The following TMPRSS13 variants were observed in gnomAD, a reference collection of about 807,000 sequenced individuals.
TMPRSS13 encodes transmembrane protease serine 13.
TMPRSS13 carries 50 observed loss-of-function variants against 68.4 expected under a neutral mutation model. That is an observed-to-expected ratio of 0.73 (90% CI 0.58 to 0.93). TMPRSS13 has a LOEUF of 0.93. Ranked by LOEUF, TMPRSS13 falls within the 40% of genes least tolerant of loss-of-function variation. TMPRSS13 has a pLI of 0.00. For synonymous variants in TMPRSS13, 267 were observed against 285.8 expected, an observed-to-expected ratio of 0.93 and a Z score of 0.66; for missense variants, 615 against 729.2, an observed-to-expected ratio of 0.84 and a Z score of 1.80.
intron 1 of TMPRSS13, among the ~76,000 whole-genome samples, chr11:117,921,214 C>A (rs11216622): frequency 0.24 from 36,064 of 152,092 alleles, 4,397 homozygotes; most frequent in East Asian, 0.29. Context: ...AGGGCCTTGA[C>A]CTACAGTGTC....
intron 9 of TMPRSS13, chr11:117,908,212 T>C (rs2057482874): frequency 1.9e-6 from 1 of 535,158 alleles, no homozygotes; most frequent in Non-Finnish European, 2.9e-6. Flanking sequence ...ATATGTCAAA[T>C]GAAGTTAATA....
chr11:117,917,206 G>A lies in TMPRSS13; in HGVS notation c.520C>T (p.Leu174Phe), dbSNP rs778730586. Residue 174 changes from leucine (L) to phenylalanine (F), a missense_variant, in exon 3 of 13, where the codon CTC becomes TTC. Leu to Phe is a conservative substitution (Grantham distance 22, BLOSUM62 0). Coordinates refer to ENST00000524993, the MANE Select transcript of TMPRSS13 (RefSeq NM_001077263.3). ...AGCGAAACCACCAGGGCAATGAGGA[G>A]GAGCACGCACCCGATGAGCGGTAGC... ...KQLPLIGCVL[L>F]LIALVVSLII... 1.2e-6 allele frequency: 2 copies of A among 1,613,020 alleles called. No homozygotes were observed. The highest frequency in any genetic ancestry group is 2.2e-5 in the East Asian group (1 of 44,892).
chr11:117,920,733 C>A (rs1422211731), intron 1 of TMPRSS13, among the ~76,000 whole-genome samples: 1 of 152,176 alleles, frequency 6.6e-6, no homozygotes, highest in Non-Finnish European at 1.5e-5. Context: ...AAATGATCCA[C>A]CCGCCTCAGC....
intron 1 of TMPRSS13, among the ~76,000 whole-genome samples, chr11:117,921,675 G>C (rs1044505943): frequency 6.6e-6 from 1 of 152,198 alleles, no homozygotes; most frequent in East Asian, 1.9e-4. Context: ...TCCGAAAGTG[G>C]GATGGAGTCT....
At chr11:117,916,814 T>G (rs2057582196) in intron 3 of TMPRSS13, among the ~76,000 whole-genome samples, 1 of 152,226 alleles carries the variant, frequency 6.6e-6, no homozygotes, top group Non-Finnish European at 1.5e-5. Flanking sequence ...GAAGTTGGAA[T>G]GAGAACTTAC....
intron 12 of TMPRSS13, chr11:117,903,061 T>G: frequency 9.3e-7 from 1 of 1,074,168 alleles, no homozygotes; most frequent in Non-Finnish European, 1.1e-6. Context: ...ATTATTTTAT[T>G]ACTTTATACT....
At position 117,918,404 on chromosome 11, in the gene TMPRSS13, C is replaced by T. The variant is rs1396562464; in HGVS notation, c.451+5G>A. ...CTCGTGGCTTCCCTACAGCATCCCC[C>T]TTACCTGGGCTCTCCCTGGTGGCCC... On this transcript the variant is annotated splice_donor_5th_base_variant and intron_variant, in intron 2 of 12. Transcript: ENST00000524993. 1 of 1,612,738 alleles carries T rather than the reference C, an allele frequency of 6.2e-7. No homozygotes were observed. The highest frequency in any genetic ancestry group is 8.5e-7 in the Non-Finnish European group (1 of 1,178,980).
In TMPRSS13 at chr11:117,909,763, C is replaced by CGACCCT. The variant is rs781182109; in HGVS notation, c.1109+37_1109+42dup. On this transcript the variant is annotated intron_variant, in intron 8 of 12. Transcript: ENST00000524993. ...GCAGCCAGCCCTTCCTGGTGGTTCC[C>CGACCCT]GACCCTGGGCAGTGTCAAATCACCT... The CGACCCT allele has an allele frequency of 5.7e-6, 9 of 1,578,930 alleles. No homozygotes were observed. The South Asian group carries it at 1.0e-4, about 18-fold the overall frequency.
intron 1 of TMPRSS13, among the ~76,000 whole-genome samples, chr11:117,926,831 G>C (rs1032822283): frequency 6.6e-6 from 1 of 152,058 alleles, no homozygotes; most frequent in African/African-American, 2.4e-5. Context: ...CCAAATTCTA[G>C]GCAGTGATGA....
intron 3 of TMPRSS13, 152 bp downstream of exon 3, chr11:117,917,018 C>T: frequency 1.5e-6 from 1 of 688,008 alleles, no homozygotes; most frequent in South Asian, 1.8e-5. Context: ...GCAGCACAGT[C>T]CAAGGCCATT....
intron 10 of TMPRSS13, 51 bp downstream of exon 10, chr11:117,905,587 A>C: frequency 6.9e-7 from 1 of 1,444,948 alleles, no homozygotes; most frequent in Non-Finnish European, 9.5e-7. Context: ...ACATGTATAC[A>C]CACACATGCA....
At chr11:117,907,897 GTGAA>G (rs35539867) in intron 9 of TMPRSS13, 26 of 893,980 alleles carry the variant, frequency 2.9e-5, no homozygotes, top group Middle Eastern at 5.7e-4. Flanking sequence ...TGAATGATGA[GTGAA>G]TGAATGAATG....
intron 10 of TMPRSS13, among the ~76,000 whole-genome samples, chr11:117,904,341 A>G (rs477408): frequency 0.42 from 64,146 of 152,080 alleles, 13,915 homozygotes; most frequent in East Asian, 0.65. Flanking sequence ...AGAGACATCC[A>G]TGCACACAGA....
In TMPRSS13 at chr11:117,915,790, G is replaced by T. The variant is rs1412827014; in HGVS notation, c.557-1276C>A. On this transcript the variant is annotated intron_variant, in intron 3 of 12. Coordinates refer to ENST00000524993, the MANE Select transcript of TMPRSS13 (RefSeq NM_001077263.3). The surrounding 1 kb of genome is among the most constrained non-coding windows in gnomAD (Gnocchi z 4.9). ...CTATTCTGTGAGCCCACCCGTGGGT[G>T]CCATCTCGCCCCTCCATGGGTTAGT... 6.6e-6 allele frequency among the ~76,000 whole-genome samples: 1 copy of T among 152,214 alleles called. No homozygotes were observed. The highest frequency in any genetic ancestry group is 1.5e-5 in the Non-Finnish European group (1 of 68,038).
chr11:117,923,935 C>T (rs11216629), intron 1 of TMPRSS13, among the ~76,000 whole-genome samples: 1 of 151,486 alleles, frequency 6.6e-6, no homozygotes, highest in Admixed American at 6.6e-5. Flanking sequence ...CATCAGGGCC[C>T]GTTTCAGTCC....
At position 117,922,295 on chromosome 11, in the gene TMPRSS13, C is replaced by T. The variant is rs559091957; in HGVS notation, c.22-3457G>A. Reference sequence around the variant, plus strand: ...CTGTCGCCAGGCTGGAGTACAGTGGCGTGATCTCGGCTCACTGCAACCTCC... The same window carrying T: ...CTGTCGCCAGGCTGGAGTACAGTGGTGTGATCTCGGCTCACTGCAACCTCC... On this transcript the variant is annotated intron_variant, in intron 1 of 12. Transcript: ENST00000524993. The surrounding 1 kb of genome is among the most constrained non-coding windows in gnomAD (Gnocchi z 4.2). Among the ~76,000 whole-genome samples, 9 of 152,068 alleles carry T rather than the reference C, an allele frequency of 5.9e-5. No individual in the cohort carries two copies. In the South Asian group the frequency reaches 1.2e-3, roughly 21 times the overall value.
intron 9 of TMPRSS13, chr11:117,908,126 C>T (rs1289768469): frequency 1.9e-6 from 2 of 1,039,398 alleles, no homozygotes; most frequent in Non-Finnish European, 2.4e-6. Flanking sequence ...TCAGATCGAC[C>T]TGGTTCCAAT....
At chr11:117,917,123 G>T in intron 3 of TMPRSS13, 47 bp downstream of exon 3, 3 of 1,511,088 alleles carry the variant, frequency 2.0e-6, no homozygotes, top group Non-Finnish European at 9.1e-7. Context: ...GTCCCACTCT[G>T]CCCAGCAGTG....
At position 117,914,417 on chromosome 11, in the gene TMPRSS13, C is replaced by T. The variant is rs1346719093; in HGVS notation, c.654G>A (p.Lys218=). 1.2e-6 allele frequency: 2 copies of T among 1,613,940 alleles called. No individual in the cohort carries two copies. Among genetic ancestry groups the T allele is most frequent in the African/African-American group, 1.3e-5 (1 of 74,912 alleles). ...CGCAGCCCAGCTCGTCACTCTTCAG[C>T]TTGCAGTCCACCACCCCGTCACAGC... is the stretch of plus-strand genomic sequence containing the variant. ...AVRCDGVVDC[K]LKSDELGCVR... is the part of the protein sequence containing the mutation. The change falls in exon 4 of 13, where the codon AAG becomes AAA. Residue 218 remains lysine (K), a synonymous_variant. Coordinates refer to ENST00000524993, the MANE Select transcript of TMPRSS13 (RefSeq NM_001077263.3). This position sits in a 1 kb window ranked among gnomAD's most constrained non-coding sequence, Gnocchi z 4.2.
Sources: gnomAD v4.1 joint callset for allele counts (sites outside exome capture counted in the v4.1 genomes callset) on GRCh38, gnomAD v4.1.1 for gene constraint, Gnocchi (gnomAD v3.1) non-coding constraint, MANE v1.5 for transcripts, NCBI Gene and HGNC (gene_info 2026-07-23, HGNC 2026-07-21) for gene names.